The following ESRRG variants were observed in gnomAD, a reference collection of about 807,000 sequenced individuals.
The protein encoded by ESRRG is estrogen related receptor gamma.
A neutral mutation model predicts 44.0 loss-of-function variants in ESRRG; 13 were observed. That is an observed-to-expected ratio of 0.30 (90% CI 0.19 to 0.47). The LOEUF (loss-of-function observed/expected upper bound fraction) is 0.47. ESRRG is among the 20% of genes least tolerant of loss of function. The probability of loss-of-function intolerance (pLI) is 1.00; values close to 1 mark genes in which losing one functional copy is unlikely to be tolerated. For missense variants in ESRRG, 395 were observed against 580.6 expected (o/e 0.68, Z 3.29); for synonymous variants, 215 against 214.6 (o/e 1.00, Z -0.02).
chr1:216,839,451 TCACAAA>T (rs2095616645), intron 2 of ESRRG, among the ~76,000 whole-genome samples: 1 of 152,192 alleles, frequency 6.6e-6, no homozygotes, highest in Non-Finnish European at 1.5e-5. Context: ...CTTTTATGAA[TCACAAA>T]TGTTCTGAAT....
chr1:216,734,361 G>A (rs113042620), intron 2 of ESRRG, among the ~76,000 whole-genome samples: 47 of 152,258 alleles, frequency 3.1e-4, no homozygotes, highest in Middle Eastern at 3.4e-3. Context: ...GGCGGGCCTA[G>A]TGGGAGGTGT....
chr1:216,902,231 G>C (rs1180354733), intron 2 of ESRRG, among the ~76,000 whole-genome samples: 1 of 152,190 alleles, frequency 6.6e-6, no homozygotes, highest in Admixed American at 6.5e-5. Flanking sequence ...GCTCACGCCT[G>C]TAATCCCAGC....
intron 1 of ESRRG, among the ~76,000 whole-genome samples, chr1:216,990,746 T>C (rs757003992): frequency 5.3e-5 from 8 of 152,244 alleles, no homozygotes; most frequent in Admixed American, 3.3e-4. Flanking sequence ...GGATACAGTA[T>C]ATAACACATA....
At chr1:217,119,858 A>C (rs2092796447) in intron 1 of ESRRG, among the ~76,000 whole-genome samples, 1 of 152,284 alleles carries the variant, frequency 6.6e-6, no homozygotes, top group South Asian at 2.1e-4. Context: ...TTTCCTTCCT[A>C]TTACTGGTGT....
At chr1:216,917,478 T>C (rs2061344188) in intron 2 of ESRRG, among the ~76,000 whole-genome samples, 3 of 152,220 alleles carry the variant, frequency 2.0e-5, no homozygotes, top group Non-Finnish European at 4.4e-5. Context: ...TATAGAGATC[T>C]CACAGTTAAA....
chr1:216,582,263 A>G (rs2062926919), intron 3 of ESRRG, among the ~76,000 whole-genome samples: 1 of 152,306 alleles, frequency 6.6e-6, no homozygotes, highest in African/African-American at 2.4e-5. Flanking sequence ...AAGAAAGCTG[A>G]CCTGTTTTGG....
Position 216,538,110 on chromosome 1 carries a change from T to C in ESRRG, c.863-18689A>G, listed in dbSNP as rs535161552. On this transcript the variant is annotated intron_variant, in intron 5 of 6. Coordinates refer to ENST00000408911, the MANE Select transcript of ESRRG (RefSeq NM_001438.4). Reference sequence around the variant, plus strand: ...AACAGAGAGGCACTTCCTTCTCTCCTGCTTTCTCCTCTACTACTTGGCCCT... The same window carrying C: ...AACAGAGAGGCACTTCCTTCTCTCCCGCTTTCTCCTCTACTACTTGGCCCT... Among the ~76,000 whole-genome samples, 4 of 152,232 alleles carry C rather than the reference T, an allele frequency of 2.6e-5. No individual in the cohort carries two copies. In the South Asian group the frequency reaches 8.3e-4, roughly 32 times the overall value.
In ESRRG at chr1:216,504,869, T is replaced by C. The variant is rs2040936613; in HGVS notation, c.*2070A>G. On this transcript the variant is annotated 3_prime_UTR_variant, in exon 7 of 7. Coordinates refer to ENST00000408911, the MANE Select transcript of ESRRG (RefSeq NM_001438.4). ...TTGTTTGGAGTTTCAATCTCTTAAT[T>C]ATTATTAGGAAGAACCTTATTACTG... The C allele has an allele frequency of 1.3e-5, 2 of 152,706 alleles. No individual in the cohort carries two copies. The highest frequency in any genetic ancestry group is 2.9e-5 in the Non-Finnish European group (2 of 68,008). 9.5% of individuals were successfully genotyped at this position (152,706 alleles called of 1,614,324 possible). A position where few individuals can be genotyped will look rare whatever the true frequency, so the allele number is the denominator to read the frequency against.
chr1:216,986,986 C>A (rs1307428431), intron 1 of ESRRG, among the ~76,000 whole-genome samples: 3 of 152,150 alleles, frequency 2.0e-5, no homozygotes, highest in Non-Finnish European at 4.4e-5. Context: ...AATTTTCTTT[C>A]TATTCTCTCT....
chr1:216,532,720 C>T (rs1301074086), intron 5 of ESRRG, among the ~76,000 whole-genome samples: 2 of 152,156 alleles, frequency 1.3e-5, no homozygotes, highest in East Asian at 3.9e-4. Context: ...AGCACATAAT[C>T]CTTTCCAAAT....
intron 1 of ESRRG, among the ~76,000 whole-genome samples, chr1:216,977,557 T>C (rs1361241178): frequency 6.6e-6 from 1 of 151,976 alleles, no homozygotes; most frequent in Non-Finnish European, 1.5e-5. Context: ...GCACAGACAA[T>C]AAGTACAGGG....
chr1:217,004,782 A>G (rs998051227), intron 1 of ESRRG, among the ~76,000 whole-genome samples: 1 of 152,178 alleles, frequency 6.6e-6, no homozygotes, highest in South Asian at 2.1e-4. Context: ...GACACATTAT[A>G]TATATAGTGC....
rs148047221 is a variant in ESRRG at position 216,665,054 on chromosome 1, C to T, written c.472+12022G>A. Among the ~76,000 whole-genome samples, 15 of 152,202 alleles carry T rather than the reference C, an allele frequency of 9.9e-5. No individual in the cohort carries two copies. The East Asian group carries it at 2.7e-3, about 27-fold the overall frequency. ...GAATGTAGTAGTCCTCTCTTATTTG[C>T]GATTTCACTTTCAGCGGTTTCAATT... is the stretch of plus-strand genomic sequence containing the variant. On this transcript the variant is annotated intron_variant, in intron 2 of 6. Transcript: ENST00000408911.
At chr1:216,537,405 G>A (rs778060527) in intron 5 of ESRRG, among the ~76,000 whole-genome samples, 8 of 151,918 alleles carry the variant, frequency 5.3e-5, no homozygotes, top group South Asian at 2.1e-4. Context: ...TATTTTTGTC[G>A]TAACAGCCCA....
rs577653909 is a variant in ESRRG, at chr1:216,828,504, G to A, written c.-14+111078C>T. ...CTCTTATTAAAAGCACATAACAATAGTAAGAGTTTTATAAATATTTAAAAC... is the reference window on the plus strand; with the variant it reads ...CTCTTATTAAAAGCACATAACAATAATAAGAGTTTTATAAATATTTAAAAC... On this transcript the variant is annotated intron_variant, in intron 2 of 7. Transcript: ENST00000359162. Among the ~76,000 whole-genome samples, 15 of 152,154 alleles carry A rather than the reference G, an allele frequency of 9.9e-5. No homozygotes were observed. The South Asian group carries it at 3.1e-3, about 32-fold the overall frequency.
chr1:216,971,540 A>G (rs1340789455), intron 1 of ESRRG, among the ~76,000 whole-genome samples: 1 of 152,196 alleles, frequency 6.6e-6, no homozygotes, highest in Non-Finnish European at 1.5e-5. Context: ...CAAAAGATTC[A>G]TCTGTTATTT....
intron 5 of ESRRG, among the ~76,000 whole-genome samples, chr1:216,546,788 T>C (rs1254793212): frequency 6.7e-6 from 1 of 150,160 alleles, no homozygotes; most frequent in South Asian, 2.1e-4. Context: ...GACCTAAATT[T>C]AAATTTCACC....
At chr1:217,018,983 G>A (rs2079870545) in intron 1 of ESRRG, among the ~76,000 whole-genome samples, 1 of 152,184 alleles carries the variant, frequency 6.6e-6, no homozygotes, top group Non-Finnish European at 1.5e-5. Context: ...GTGAGCATCT[G>A]CTTCATGAAT....
At chr1:216,743,969 G>A (rs1039070910) in intron 2 of ESRRG, among the ~76,000 whole-genome samples, 1 of 152,126 alleles carries the variant, frequency 6.6e-6, no homozygotes, top group Non-Finnish European at 1.5e-5. Context: ...CTGCCATTAG[G>A]TACCAGATTT....
Sources: gnomAD v4.1 joint callset for allele counts (sites outside exome capture counted in the v4.1 genomes callset) on GRCh38, gnomAD v4.1.1 for gene constraint, MANE v1.5 for transcripts, NCBI Gene and HGNC (gene_info 2026-07-23, HGNC 2026-07-21) for gene names.